The following NPAS3 variants were observed in gnomAD, a reference collection of about 807,000 sequenced individuals.
NPAS3 encodes neuronal PAS domain protein 3.
In NPAS3, 14 loss-of-function variants were observed where a neutral mutation model predicts 73.1. The ratio of observed to expected loss-of-function variants is 0.19; its 90% CI spans 0.13 to 0.30. NPAS3 has a LOEUF of 0.30. Among genes scored for constraint, NPAS3 ranks in the 10% least tolerant of loss-of-function variants. The pLI, the probability that NPAS3 is intolerant of heterozygous loss-of-function variation, is 1.00. For synonymous variants in NPAS3, 620 were observed against 541.5 expected, an observed-to-expected ratio of 1.14 and a Z score of -2.01; for missense variants, 1,096 against 1,250.0, an observed-to-expected ratio of 0.88 and a Z score of 1.86.
At chr14:33,189,003 T>C (rs781253436) in intron 2 of NPAS3, among the ~76,000 whole-genome samples, 7 of 152,214 alleles carry the variant, frequency 4.6e-5, no homozygotes, top group African/African-American at 4.8e-5. Flanking sequence ...AATTAAAGAA[T>C]GAGAAAACAG....
At chr14:33,483,079 A>T (rs953139531) in intron 4 of NPAS3, among the ~76,000 whole-genome samples, 3 of 152,202 alleles carry the variant, frequency 2.0e-5, no homozygotes, top group African/African-American at 7.2e-5. Context: ...GTCCCATGTT[A>T]GTTGACTACG....
At chr14:33,742,031 G>A (rs750437779) in intron 7 of NPAS3, among the ~76,000 whole-genome samples, 4 of 152,042 alleles carry the variant, frequency 2.6e-5, no homozygotes, top group African/African-American at 4.8e-5. Flanking sequence ...GCTCCTAAAA[G>A]TTATTGTTAA....
At chr14:33,575,402 A>G (rs1438228889) in intron 5 of NPAS3, among the ~76,000 whole-genome samples, 1 of 152,208 alleles carries the variant, frequency 6.6e-6, no homozygotes, top group African/African-American at 2.4e-5. Context: ...TTCCTTTTCC[A>G]TGACCCTTAA....
At chr14:33,680,217 C>CTTTTAAATGCTTAGTAAACAGAAAA (rs1179688448) in intron 6 of NPAS3, among the ~76,000 whole-genome samples, 12 of 152,126 alleles carry the variant, frequency 7.9e-5, no homozygotes, top group Non-Finnish European at 1.5e-4. Flanking sequence ...AGTGCCATGC[C>CTTTTAAATGCTTAGTAAACAGAAAA]TTTTAAATGC....
chr14:33,687,966 G>C (rs2060135596), intron 6 of NPAS3, among the ~76,000 whole-genome samples: 1 of 152,218 alleles, frequency 6.6e-6, no homozygotes, highest in South Asian at 2.1e-4. Flanking sequence ...GTATCAGTTT[G>C]TAATGAACCA....
At chr14:33,416,758 GA>G (rs977020279) in intron 4 of NPAS3, among the ~76,000 whole-genome samples, 7 of 151,830 alleles carry the variant, frequency 4.6e-5, no homozygotes, top group Non-Finnish European at 8.8e-5. Flanking sequence ...GAGAAAAGAT[GA>G]AAAAAATGAA....
At chr14:33,125,428 A>G (rs2043391693) in intron 2 of NPAS3, among the ~76,000 whole-genome samples, 1 of 150,980 alleles carries the variant, frequency 6.6e-6, no homozygotes, top group South Asian at 2.1e-4. Context: ...TTATGGAACA[A>G]AAAATGAGAT....
At chr14:33,284,252 C>T (rs751119534) in intron 3 of NPAS3, among the ~76,000 whole-genome samples, 2 of 152,072 alleles carry the variant, frequency 1.3e-5, no homozygotes, top group African/African-American at 2.4e-5. Flanking sequence ...CTCGCATACC[C>T]TCATGTTTGG....
In NPAS3 at chr14:33,265,615, C is replaced by T. The variant is rs186114613; in HGVS notation, c.385+50189C>T. Among the ~76,000 whole-genome samples, 960 of 152,154 alleles carry T rather than the reference C, an allele frequency of 6.3e-3. 8 individuals are homozygous for T. Among genetic ancestry groups the T allele is most frequent in the South Asian group, 0.037 (178 of 4,806 alleles). ...TACTGAATTCTCACACCAGTACTAG[C>T]GGGGAAGTACTATTTTTCTATACTT... On this transcript the variant is annotated intron_variant, in intron 3 of 11. Coordinates refer to ENST00000356141, the Ensembl canonical transcript of NPAS3.
intron 1 of NPAS3, among the ~76,000 whole-genome samples, chr14:32,977,167 A>G (rs1164846677): frequency 6.6e-6 from 1 of 152,022 alleles, no homozygotes; most frequent in Non-Finnish European, 1.5e-5. Flanking sequence ...TTATGAATAT[A>G]GTCCCATAGG....
chr14:33,375,825 G>A (rs1395882146), intron 4 of NPAS3, among the ~76,000 whole-genome samples: 1 of 152,162 alleles, frequency 6.6e-6, no homozygotes, highest in African/African-American at 2.4e-5. Context: ...TTTGGGAATA[G>A]GGTTTATAAA....
At chr14:33,684,934 C>A (rs1487606468) in intron 6 of NPAS3, among the ~76,000 whole-genome samples, 1 of 151,854 alleles carries the variant, frequency 6.6e-6, no homozygotes, top group Non-Finnish European at 1.5e-5. Context: ...TCATGAAACA[C>A]AATCATGGTT....
chr14:33,580,702 A>G (rs891737215), intron 5 of NPAS3, among the ~76,000 whole-genome samples: 1 of 152,020 alleles, frequency 6.6e-6, no homozygotes, highest in Non-Finnish European at 1.5e-5. Context: ...GAAAAATCTC[A>G]TTTTTATCCA....
At chr14:33,025,929 A>C (rs1433472956) in intron 1 of NPAS3, among the ~76,000 whole-genome samples, 3 of 152,208 alleles carry the variant, frequency 2.0e-5, no homozygotes, top group Admixed American at 2.0e-4. Flanking sequence ...GAATGAACTA[A>C]TACAGTTGCC....
intron 3 of NPAS3, among the ~76,000 whole-genome samples, chr14:33,234,638 G>A (rs1473532859): frequency 1.3e-5 from 2 of 152,036 alleles, no homozygotes; most frequent in East Asian, 3.9e-4. Flanking sequence ...CTAGACCAGA[G>A]CACATTTTGC....
intron 2 of NPAS3, among the ~76,000 whole-genome samples, chr14:33,195,648 T>C (rs2046325892): frequency 6.6e-6 from 1 of 152,258 alleles, no homozygotes; most frequent in African/African-American, 2.4e-5. Flanking sequence ...CTTACACAGC[T>C]GATATTTGTT....
chr14:33,659,876 T>C (rs1384367567), intron 5 of NPAS3, among the ~76,000 whole-genome samples: 1 of 151,966 alleles, frequency 6.6e-6, no homozygotes, highest in Non-Finnish European at 1.5e-5. Context: ...TGGTCAATGG[T>C]AGAAACAAAA....
At position 33,148,222 on chromosome 14, in the gene NPAS3, A is replaced by G. The variant is rs113388143; in HGVS notation, c.141-66960A>G. Among the ~76,000 whole-genome samples, 176 of 152,266 alleles carry G rather than the reference A, an allele frequency of 1.2e-3. 1 individual carries two copies. The highest frequency in any genetic ancestry group is 4.2e-3 in the African/African-American group (173 of 41,550). ...AGGCTTTATTTTAGGCAAAATTTTAATTTTACATACTGATTTTGGGAGATT... is the reference window on the plus strand; with the variant it reads ...AGGCTTTATTTTAGGCAAAATTTTAGTTTTACATACTGATTTTGGGAGATT... On this transcript the variant is annotated intron_variant, in intron 2 of 11. Transcript: ENST00000356141.
At chr14:33,308,613 C>T (rs995186147) in intron 3 of NPAS3, among the ~76,000 whole-genome samples, 17 of 150,094 alleles carry the variant, frequency 1.1e-4, no homozygotes, top group African/African-American at 4.2e-4. Flanking sequence ...CACTTGTGCA[C>T]ACACACACCC....
Sources: allele counts gnomAD v4.1 joint callset (sites outside exome capture counted in the v4.1 genomes callset), GRCh38; gene constraint gnomAD v4.1.1; transcripts MANE v1.5; gene names NCBI Gene and HGNC (gene_info 2026-07-23, HGNC 2026-07-21).